Variants in DCBLD1 observed in about 807,000 individuals in gnomAD.
DCBLD1 encodes the protein discoidin, CUB and LCCL domain containing 1.
DCBLD1 carries 57 observed loss-of-function variants against 71.5 expected under a neutral mutation model. The ratio of observed to expected loss-of-function variants is 0.80; its 90% CI spans 0.64 to 0.99. The LOEUF is 0.99. Ranked by LOEUF, DCBLD1 falls within the 50% of genes least tolerant of loss-of-function variation. DCBLD1 has a pLI of 0.00. For missense variants in DCBLD1, 891 were observed against 923.5 expected (o/e 0.96, Z 0.46); for synonymous variants, 380 against 363.8 (o/e 1.04, Z -0.51).
rs115433162 is a variant in DCBLD1 at position 117,510,242 on chromosome 6, G to A, written c.325+6263G>A. Among the ~76,000 whole-genome samples, 80 of 151,994 alleles carry A rather than the reference G, an allele frequency of 5.3e-4. 1 individual carries two copies. The highest frequency in any genetic ancestry group is 1.8e-3 in the African/African-American group (74 of 41,446). ...CCCAAATGCATCATACGGTTTCATG[G>A]CCTAGTACATTTTTACAGTCGTTGA... On this transcript the variant is annotated intron_variant, in intron 2 of 14. Transcript: ENST00000338728.
chr6:117,534,227 C>G (rs1310020449), intron 6 of DCBLD1, among the ~76,000 whole-genome samples: 6 of 152,052 alleles, frequency 3.9e-5, no homozygotes, highest in Non-Finnish European at 8.8e-5. Flanking sequence ...AAATTAAAAT[C>G]TTCACTCAAT....
chr6:117,554,709 A>G (rs1779474347), downstream of DCBLD1, among the ~76,000 whole-genome samples: 1 of 152,140 alleles, frequency 6.6e-6, no homozygotes, highest in Non-Finnish European at 1.5e-5. Context: ...CCTGGCCAAC[A>G]TGGTGAAACC....
At chr6:117,535,564 C>T (rs368641998) in intron 6 of DCBLD1, among the ~76,000 whole-genome samples, 3 of 152,108 alleles carry the variant, frequency 2.0e-5, no homozygotes, top group African/African-American at 4.8e-5. Context: ...CAGTTGATAA[C>T]GGAGGAAAGC....
chr6:117,540,847 A>G, intron 10 of DCBLD1, 32 bp downstream of exon 10: 1 of 1,614,098 alleles, frequency 6.2e-7, no homozygotes, highest in Non-Finnish European at 8.5e-7. Flanking sequence ...TGAGTTACTC[A>G]AGTTTGGTCA....
At chr6:117,519,597 A>G (rs971289317) in intron 2 of DCBLD1, among the ~76,000 whole-genome samples, 12 of 152,162 alleles carry the variant, frequency 7.9e-5, no homozygotes, top group African/African-American at 2.9e-4. Context: ...GTTCCAGCCT[A>G]TTGCTTGTCT....
intron 1 of DCBLD1, 41 bp from the exon 2 acceptor site, chr6:117,503,726 A>ACCCCTTCTTCTTTTATTCC (rs1562435917): frequency 1.9e-6 from 3 of 1,592,184 alleles, no homozygotes; most frequent in Non-Finnish European, 2.6e-6. Context: ...AGAATTAATG[A>ACCCCTTCTTCTTTTATTCC]CCCCTTCTTC....
intron 1 of DCBLD1, among the ~76,000 whole-genome samples, chr6:117,499,027 CATTTA>C (rs1777561114): frequency 6.6e-6 from 1 of 152,016 alleles, no homozygotes; most frequent in South Asian, 2.1e-4. Context: ...TGTGCCTCTT[CATTTA>C]ATTCATTGCT....
chr6:117,506,218 G>A (rs1026753421), intron 2 of DCBLD1, among the ~76,000 whole-genome samples: 4 of 152,046 alleles, frequency 2.6e-5, no homozygotes, highest in South Asian at 4.2e-4. Flanking sequence ...TGGGGAAACC[G>A]AGGCACAGTG....
At chr6:117,503,380 A>G (rs1393464745) in intron 1 of DCBLD1, among the ~76,000 whole-genome samples, 1 of 152,188 alleles carries the variant, frequency 6.6e-6, no homozygotes, top group Non-Finnish European at 1.5e-5. Context: ...CCACCTTCTA[A>G]AGTGAGTAAT....
chr6:117,548,059 G>A lies in DCBLD1; in HGVS notation c.1768G>A (p.Ala590Thr). ...CPQRAGRHEY[A>T]LPLAPPEPEY... The stretch of plus-strand genomic sequence containing the variant: ...GCAGCGGGCCGGCCGCCACGAGTAC[G>A]CGCTGCCCCTGGCGCCCCCGGAGCC... Residue 590 changes from alanine to threonine, a missense_variant, in exon 15 of 15, where the codon GCG (alanine) becomes ACG (threonine). Physicochemically the swap from Ala to Thr is moderately conservative, Grantham distance 58. Transcript: ENST00000338728. 1 of 1,548,894 alleles carries A rather than the reference G, an allele frequency of 6.5e-7. No individual in the cohort carries two copies. The highest frequency in any genetic ancestry group is 1.2e-5 in the South Asian group (1 of 83,960).
At chr6:117,522,033 G>A (rs1223103195) in intron 4 of DCBLD1, among the ~76,000 whole-genome samples, 2 of 152,120 alleles carry the variant, frequency 1.3e-5, no homozygotes, top group Admixed American at 1.3e-4. Context: ...ATTTGGGAGT[G>A]ACCTTTAAAA....
In DCBLD1 at chr6:117,548,383, GC is replaced by G. The variant is rs1779351448; in HGVS notation, c.2097del (p.Arg700GlufsTer12). On this transcript the variant is annotated frameshift_variant, in exon 15 of 15. Transcript: ENST00000338728. LOFTEE classifies it high-confidence loss of function. ...TCCCGGGACGAGTGACAGCTATTCT[GC>G]CCCCAGAGACTGCCTCACACCCCTC... ...THPGTSDSYS[A>X]PRDCLTPLNQ... 2 of 1,550,650 alleles carry G rather than the reference GC, an allele frequency of 1.3e-6. No individual in the cohort carries two copies. The highest frequency in any genetic ancestry group is 2.7e-5 in the African/African-American group (2 of 73,156).
At chr6:117,564,328 TATATAA>T (rs1159638107) in intron 14 of DCBLD1, among the ~76,000 whole-genome samples, 2 of 152,218 alleles carry the variant, frequency 1.3e-5, no homozygotes, top group African/African-American at 2.4e-5. Context: ...CAATTCTACT[TATATAA>T]ATATCTACTG....
intron 4 of DCBLD1, among the ~76,000 whole-genome samples, chr6:117,524,261 G>A (rs12664604): frequency 0.057 from 8,551 of 150,748 alleles, 347 homozygotes; most frequent in African/African-American, 0.11. Flanking sequence ...GTACAGTGGC[G>A]CAATCTGGTC....
rs1440248513 is a variant in DCBLD1 at position 117,548,112 on chromosome 6, G to T, written c.1821G>T (p.Arg607=). The T allele has an allele frequency of 1.3e-6, 2 of 1,549,720 alleles. No homozygotes were observed. Among genetic ancestry groups the T allele is most frequent in the East Asian group, 2.4e-5 (1 of 40,902 alleles). The change falls in exon 15 of 15, where the codon CGG becomes CGT. Residue 607 remains arginine, a synonymous_variant. Transcript: ENST00000338728. ...AGTACGCCACGCCCATCGTGGAGCGGCACGTGCTGCGCGCCCACACGTTCT... is the reference window on the plus strand; with the variant it reads ...AGTACGCCACGCCCATCGTGGAGCGTCACGTGCTGCGCGCCCACACGTTCT... The part of the protein sequence containing the change: ...EPEYATPIVE[R]HVLRAHTFSA...
chr6:117,519,774 G>T (rs1324721158), intron 2 of DCBLD1, 42 bp from the exon 3 acceptor site: 1 of 1,589,534 alleles, frequency 6.3e-7, no homozygotes, highest in Non-Finnish European at 8.6e-7. Context: ...ATTTGTGCTG[G>T]TATAAATTTT....
chr6:117,553,593 T>C (rs937909423), downstream of DCBLD1, among the ~76,000 whole-genome samples: 5 of 152,214 alleles, frequency 3.3e-5, no homozygotes, highest in Admixed American at 3.3e-4. Flanking sequence ...CTTCTTGGAA[T>C]TTTTGTCTGC....
chr6:117,514,330 G>A (rs1345652831), intron 2 of DCBLD1, among the ~76,000 whole-genome samples: 1 of 152,202 alleles, frequency 6.6e-6, no homozygotes, highest in Admixed American at 6.5e-5. Flanking sequence ...CAGACCAGGC[G>A]CTGTGGCCCA....
At chr6:117,515,788 C>T (rs1029830838) in intron 2 of DCBLD1, among the ~76,000 whole-genome samples, 14 of 152,148 alleles carry the variant, frequency 9.2e-5, no homozygotes, top group East Asian at 1.9e-4. Context: ...AAAAGTGACA[C>T]GATTAAAAAT....
Sources: allele counts gnomAD v4.1 joint callset (sites outside exome capture counted in the v4.1 genomes callset), GRCh38; gene constraint gnomAD v4.1.1; transcripts MANE v1.5; gene names NCBI Gene and HGNC (gene_info 2026-07-23, HGNC 2026-07-21).